ALK: variants seen among roughly 807,000 people sequenced by gnomAD.
ALK encodes ALK receptor tyrosine kinase.
Under a neutral mutation model 163.1 loss-of-function variants are expected in ALK, and 74 were observed. The observed-to-expected ratio is 0.45, with a 90% CI of 0.38 to 0.55. The LOEUF (loss-of-function observed/expected upper bound fraction) is 0.55. ALK is among the 20% of genes least tolerant of loss of function. The pLI is 0.00. For synonymous variants in ALK, 960 were observed against 843.2 expected, an observed-to-expected ratio of 1.14 and a Z score of -2.40; for missense variants, 2,063 against 2,105.3, an observed-to-expected ratio of 0.98 and a Z score of 0.39.
At chr2:29,291,275 G>A (rs980767937) in intron 9 of ALK, among the ~76,000 whole-genome samples, 3 of 152,064 alleles carry the variant, frequency 2.0e-5, no homozygotes, top group African/African-American at 7.2e-5. Flanking sequence ...GTGGCAGGAG[G>A]ATTGCTTGAG....
At chr2:29,639,096 T>C (rs984332395) in intron 3 of ALK, among the ~76,000 whole-genome samples, 2 of 152,200 alleles carry the variant, frequency 1.3e-5, no homozygotes, top group Non-Finnish European at 2.9e-5. Flanking sequence ...TCTGACCTTA[T>C]AGTAGAAGAC....
intron 1 of ALK, among the ~76,000 whole-genome samples, chr2:29,792,441 C>A (rs1399841925): frequency 6.6e-6 from 1 of 151,870 alleles, no homozygotes; most frequent in African/African-American, 2.4e-5. Context: ...TCATTTGAAC[C>A]CTCAATTCAA....
At chr2:29,848,727 C>T (rs562091130) in intron 1 of ALK, among the ~76,000 whole-genome samples, 1 of 152,074 alleles carries the variant, frequency 6.6e-6, no homozygotes, top group South Asian at 2.1e-4. Flanking sequence ...GGGGCTATGT[C>T]GCTCTGAAGG....
At chr2:29,205,590 T>C (rs1264484198) in intron 26 of ALK, among the ~76,000 whole-genome samples, 3 of 152,152 alleles carry the variant, frequency 2.0e-5, no homozygotes, top group Non-Finnish European at 4.4e-5. Context: ...GTTCCCTCCT[T>C]CTTCTGGCTT....
Position 29,590,424 on chromosome 2 carries a change from C to T in ALK, c.953-58308G>A, listed in dbSNP as rs1011547117. 2.0e-5 allele frequency among the ~76,000 whole-genome samples: 3 copies of T among 152,070 alleles called. No homozygotes were observed. The East Asian group carries it at 5.8e-4, about 29-fold the overall frequency. ...ACGTTCAGTTGACAAAGATTTTTTG[C>T]CAGATTAAACTTTAGTGAGGTTCCT... On this transcript the variant is annotated intron_variant, in intron 3 of 28. Transcript: ENST00000389048.
At chr2:29,778,806 C>G (rs1485431896) in intron 1 of ALK, among the ~76,000 whole-genome samples, 2 of 152,118 alleles carry the variant, frequency 1.3e-5, no homozygotes, top group Admixed American at 6.5e-5. Flanking sequence ...TCTGTGCCTG[C>G]TGAACCCCCC....
intron 1 of ALK, among the ~76,000 whole-genome samples, chr2:29,810,699 C>G (rs1024721920): frequency 6.6e-6 from 1 of 152,108 alleles, no homozygotes; most frequent in Non-Finnish European, 1.5e-5. Flanking sequence ...AACCACAGGG[C>G]CTTTTCTGGC....
chr2:29,657,004 T>G (rs560455445), intron 3 of ALK, among the ~76,000 whole-genome samples: 4 of 152,164 alleles, frequency 2.6e-5, no homozygotes, highest in African/African-American at 9.7e-5. Flanking sequence ...ATATTTAACA[T>G]AGAAAACGGC....
intron 1 of ALK, among the ~76,000 whole-genome samples, chr2:29,799,413 T>C (rs1020833121): frequency 1.3e-5 from 2 of 152,116 alleles, no homozygotes; most frequent in Non-Finnish European, 2.9e-5. Flanking sequence ...ACACCTATAA[T>C]CTCAGTGCTT....
At chr2:29,795,510 G>C (rs2148360179) in intron 1 of ALK, among the ~76,000 whole-genome samples, 1 of 152,142 alleles carries the variant, frequency 6.6e-6, no homozygotes, top group East Asian at 1.9e-4. Context: ...ACACATAAAA[G>C]CTTTTTTGCA....
chr2:29,850,076 G>C (rs1321897895), intron 1 of ALK, among the ~76,000 whole-genome samples: 2 of 152,098 alleles, frequency 1.3e-5, no homozygotes, highest in Admixed American at 1.3e-4. Flanking sequence ...CTACCAAAAT[G>C]CCCATTGACA....
At chr2:29,550,471 A>G (rs895452177) in intron 3 of ALK, among the ~76,000 whole-genome samples, 1 of 152,212 alleles carries the variant, frequency 6.6e-6, no homozygotes, top group African/African-American at 2.4e-5. Flanking sequence ...TTTGAGAAAT[A>G]ATGGCTGTCT....
chr2:29,452,227 A>C (rs1338721730), intron 4 of ALK, among the ~76,000 whole-genome samples: 3 of 151,468 alleles, frequency 2.0e-5, no homozygotes, highest in Non-Finnish European at 4.4e-5. Context: ...TGCCTGGCTG[A>C]TTTCCTTTTC....
At chr2:29,695,449 C>G (rs760570680) in intron 2 of ALK, among the ~76,000 whole-genome samples, 1 of 152,162 alleles carries the variant, frequency 6.6e-6, no homozygotes, top group Non-Finnish European at 1.5e-5. Context: ...TTAATTCCCT[C>G]ACCTGTACAT....
intron 1 of ALK, among the ~76,000 whole-genome samples, chr2:29,828,131 T>C (rs1192456970): frequency 6.6e-6 from 1 of 152,226 alleles, no homozygotes; most frequent in African/African-American, 2.4e-5. Context: ...AAGCTGAAAC[T>C]GGATCCCTTC....
chr2:29,382,442 G>C (rs78851064), intron 5 of ALK, among the ~76,000 whole-genome samples: 10,872 of 152,172 alleles, frequency 0.071, 496 homozygotes, highest in Non-Finnish European at 0.11. Context: ...TTTTTTTCAG[G>C]TCAAGAAATT....
At chr2:29,643,103 A>C (rs777452590) in intron 3 of ALK, among the ~76,000 whole-genome samples, 11 of 152,190 alleles carry the variant, frequency 7.2e-5, no homozygotes, top group Non-Finnish European at 1.2e-4. Flanking sequence ...CAAAGAGATA[A>C]AATGGTATGG....
intron 3 of ALK, among the ~76,000 whole-genome samples, chr2:29,603,523 G>A (rs1025510654): frequency 1.3e-5 from 2 of 152,078 alleles, no homozygotes; most frequent in Non-Finnish European, 1.5e-5. Context: ...AGTTGTGCCT[G>A]CATTCCAAAG....
At chr2:29,909,834 T>A (rs577031331) in intron 1 of ALK, among the ~76,000 whole-genome samples, 1 of 152,226 alleles carries the variant, frequency 6.6e-6, no homozygotes, top group East Asian at 1.9e-4. Context: ...TTCTCTAAAC[T>A]CCCTCAAACA....
Sources: gnomAD v4.1 joint callset for allele counts (sites outside exome capture counted in the v4.1 genomes callset) on GRCh38, gnomAD v4.1.1 for gene constraint, MANE v1.5 for transcripts, NCBI Gene and HGNC (gene_info 2026-07-23, HGNC 2026-07-21) for gene names.